PTPRN2: variants seen among roughly 807,000 people sequenced by gnomAD.
The protein encoded by PTPRN2 is receptor-type tyrosine-protein phosphatase N2.
Under a neutral mutation model 118.8 loss-of-function variants are expected in PTPRN2, and 74 were observed. That is an observed-to-expected ratio of 0.62 (90% CI 0.52 to 0.76). The LOEUF (loss-of-function observed/expected upper bound fraction) is 0.76, where lower values mean the gene tolerates loss of function less well. Among genes scored for constraint, PTPRN2 ranks in the 30% least tolerant of loss-of-function variants. The probability of loss-of-function intolerance (pLI) is 0.00; values close to 1 mark genes in which losing one functional copy is unlikely to be tolerated. For synonymous variants in PTPRN2, 641 were observed against 608.0 expected (o/e 1.05, Z -0.80); for missense variants, 1,481 against 1,394.4 (o/e 1.06, Z -0.99).
chr7:158,306,779 A>T (rs1801318101), intron 3 of PTPRN2, among the ~76,000 whole-genome samples: 1 of 152,200 alleles, frequency 6.6e-6, no homozygotes, highest in African/African-American at 2.4e-5. Flanking sequence ...TGCCTCTTCC[A>T]CAGGAAAACA....
chr7:158,410,290 C>A (rs1357993607), intron 2 of PTPRN2, among the ~76,000 whole-genome samples: 2 of 152,208 alleles, frequency 1.3e-5, no homozygotes, highest in Non-Finnish European at 1.5e-5. Flanking sequence ...ACACTCAGGA[C>A]ACAGCTGTCA....
intron 19 of PTPRN2, among the ~76,000 whole-genome samples, chr7:157,572,994 A>G (rs536501868): frequency 6.6e-6 from 1 of 152,250 alleles, no homozygotes; most frequent in African/African-American, 2.4e-5. Context: ...CAGCACTTGT[A>G]TGCCAGAGTG....
At chr7:158,334,325 C>CA (rs1563159977) in intron 2 of PTPRN2, among the ~76,000 whole-genome samples, 6 of 6,726 alleles carry the variant, frequency 8.9e-4, no homozygotes, top group South Asian at 6.3e-3. Context: ...TCACTCACAC[C>CA]CACACGTCAC....
chr7:158,499,134 A>AC (rs1226989888), intron 1 of PTPRN2, among the ~76,000 whole-genome samples: 1 of 152,002 alleles, frequency 6.6e-6, no homozygotes, highest in Non-Finnish European at 1.5e-5. Context: ...TCATCTCAAG[A>AC]CCCCCTTAGG....
intron 3 of PTPRN2, among the ~76,000 whole-genome samples, chr7:158,304,229 G>C (rs573012538): frequency 1.3e-5 from 2 of 149,502 alleles, no homozygotes; most frequent in Admixed American, 6.6e-5. Flanking sequence ...ACGTACACAG[G>C]CTTGGATTTC....
chr7:157,646,979 C>G lies in PTPRN2; in HGVS notation c.2196+9378G>C, dbSNP rs1476348539. On this transcript the variant is annotated intron_variant, in intron 14 of 22. Coordinates refer to ENST00000389418, the MANE Select transcript of PTPRN2 (RefSeq NM_002847.5). ...GAACTCGGTGGGTTGGACCCATTCA[C>G]TGTGCACTGAACTCGGTGGGTCGGA... is the stretch of plus-strand genomic sequence containing the variant. 5.5e-3 allele frequency among the ~76,000 whole-genome samples: 732 copies of G among 132,632 alleles called. 12 individuals are homozygous for G. In the East Asian group the frequency reaches 0.092, roughly 17 times the overall value. 87.0% of individuals were successfully genotyped at this position (132,632 alleles called of 152,430 possible).
chr7:157,568,793 C>G (rs1022018916), intron 21 of PTPRN2, 109 bp downstream of exon 21: 10 of 1,155,014 alleles, frequency 8.7e-6, no homozygotes, highest in South Asian at 2.5e-5. Context: ...AGAGGCACAA[C>G]AAGCAGCGAA....
At chr7:157,932,920 C>T (rs866255645) in intron 11 of PTPRN2, among the ~76,000 whole-genome samples, 48 of 143,444 alleles carry the variant, frequency 3.3e-4, no homozygotes, top group Non-Finnish European at 4.5e-4. Context: ...AGGGGTGAGT[C>T]GCTCTGATTG....
chr7:158,406,339 C>G (rs1398845717), intron 2 of PTPRN2, among the ~76,000 whole-genome samples: 2 of 125,074 alleles, frequency 1.6e-5, no homozygotes, highest in Non-Finnish European at 3.4e-5. Context: ...GGTGGCTCAT[C>G]CGTGAGACAT....
intron 11 of PTPRN2, among the ~76,000 whole-genome samples, chr7:158,045,474 C>G (rs936165448): frequency 6.6e-6 from 1 of 152,130 alleles, no homozygotes; most frequent in Admixed American, 6.5e-5. Context: ...TACTCACATC[C>G]ATAGCAAGAC....
At chr7:158,405,650 C>A (rs1425734142) in intron 2 of PTPRN2, among the ~76,000 whole-genome samples, 6 of 152,266 alleles carry the variant, frequency 3.9e-5, no homozygotes, top group Non-Finnish European at 8.8e-5. Flanking sequence ...TTTTCTGAAT[C>A]CAACCAAGAT....
At chr7:157,616,652 G>T (rs1218785866) in intron 15 of PTPRN2, 1 of 152,130 alleles carries the variant, frequency 6.6e-6, no homozygotes, top group Non-Finnish European at 1.5e-5. Flanking sequence ...TCTCTCTCCA[G>T]CAACTTTCTT....
At chr7:157,687,614 T>C (rs895382486) in intron 12 of PTPRN2, among the ~76,000 whole-genome samples, 1 of 152,238 alleles carries the variant, frequency 6.6e-6, no homozygotes, top group Non-Finnish European at 1.5e-5. Context: ...TCTTAAAACT[T>C]AGAAGTCAGT....
chr7:158,206,789 CT>C (rs542788876), intron 3 of PTPRN2, among the ~76,000 whole-genome samples: 1,462 of 141,704 alleles, frequency 0.01, 12 homozygotes, highest in African/African-American at 0.027. Flanking sequence ...AAAGTCTTTT[CT>C]TTTTTTTTTT....
intron 12 of PTPRN2, among the ~76,000 whole-genome samples, chr7:157,830,112 C>T (rs139533410): frequency 7.8e-5 from 11 of 141,408 alleles, no homozygotes; most frequent in African/African-American, 2.6e-4. Context: ...TGTCTTCCTG[C>T]TCTTGGTCCC....
Position 158,244,978 on chromosome 7 carries a change from G to A in PTPRN2, c.278-39705C>T, listed in dbSNP as rs117281991. Reference sequence around the variant, plus strand: ...CAGGCCTGAGCGAGGCCAGCAGTTCGAAGCCCCTGCTCCCTGGCTGTGTCA... The same window carrying A: ...CAGGCCTGAGCGAGGCCAGCAGTTCAAAGCCCCTGCTCCCTGGCTGTGTCA... On this transcript the variant is annotated intron_variant, in intron 3 of 22. Coordinates refer to ENST00000389418, the MANE Select transcript of PTPRN2 (RefSeq NM_002847.5). Among the ~76,000 whole-genome samples the A allele has an allele frequency of 2.4e-4, 37 of 152,332 alleles. No individual in the cohort carries two copies. The East Asian group carries it at 6.2e-3, about 25-fold the overall frequency.
chr7:158,402,328 T>C (rs910478530), intron 2 of PTPRN2, among the ~76,000 whole-genome samples: 4 of 151,972 alleles, frequency 2.6e-5, no homozygotes, highest in Admixed American at 2.6e-4. Flanking sequence ...GGGTACAACC[T>C]CTGTACACAC....
chr7:158,248,619 T>C (rs1402764748), intron 3 of PTPRN2, among the ~76,000 whole-genome samples: 2 of 143,618 alleles, frequency 1.4e-5, no homozygotes, highest in African/African-American at 2.6e-5. Flanking sequence ...TACATGCACA[T>C]ACACACGCAC....
rs181193624 is a variant in PTPRN2 at position 157,893,884 on chromosome 7, G to A, written c.1788+4789C>T. Among the ~76,000 whole-genome samples the A allele has an allele frequency of 6.6e-6, 1 of 152,300 alleles. No homozygotes were observed. Among genetic ancestry groups the A allele is most frequent in the Non-Finnish European group, 1.5e-5 (1 of 68,020 alleles). On this transcript the variant is annotated intron_variant, in intron 12 of 22. Coordinates refer to ENST00000389418, the MANE Select transcript of PTPRN2 (RefSeq NM_002847.5). The surrounding 1 kb of genome is among the most constrained non-coding windows in gnomAD (Gnocchi z 4.0). The stretch of plus-strand genomic sequence containing the variant: ...AGAACTCACGGAGGAGGAGCTGGTC[G>A]ACTTGAAGGGAACAGAGATGGCCGT...
Sources: gnomAD v4.1 joint callset for allele counts (sites outside exome capture counted in the v4.1 genomes callset) on GRCh38, gnomAD v4.1.1 for gene constraint, Gnocchi (gnomAD v3.1) non-coding constraint, MANE v1.5 for transcripts, NCBI Gene and HGNC (gene_info 2026-07-23, HGNC 2026-07-21) for gene names.